The following STRADB variants were observed in gnomAD, a reference collection of about 807,000 sequenced individuals.
STRADB encodes STE20-related kinase adapter protein beta.
A neutral mutation model predicts 52.1 loss-of-function variants in STRADB; 34 were observed. The observed-to-expected ratio is 0.65, with a 90% CI of 0.50 to 0.87. The LOEUF (loss-of-function observed/expected upper bound fraction) is 0.87, where lower values mean the gene tolerates loss of function less well. Ranked by LOEUF, STRADB falls within the 40% of genes least tolerant of loss-of-function variation. The pLI is 0.00. For missense variants in STRADB, 340 were observed against 483.9 expected (o/e 0.70, Z 2.79); for synonymous variants, 133 against 174.5 (o/e 0.76, Z 1.87).
rs1221462406 is a variant in STRADB at position 201,477,052 on chromosome 2, G to GTTTTTT, written c.549-546_549-541dup. 2.1e-4 allele frequency among the ~76,000 whole-genome samples: 12 copies of GTTTTTT among 57,040 alleles called. 2 individuals carry two copies. The highest frequency in any genetic ancestry group is 2.1e-4 in the Non-Finnish European group (7 of 33,640). The allele number at this position is 57,040 out of a possible 152,430, so 37.4% of individuals were successfully genotyped here. On this transcript the variant is annotated intron_variant, in intron 7 of 11. Transcript: ENST00000194530. ...TTTCTTGTTTGAAAAAATATTATCA[G>GTTTTTT]TTTTTTTTTTTTTTTTTTTTTTTTT...
At chr2:201,474,977 G>T (rs188897788) in intron 6 of STRADB, among the ~76,000 whole-genome samples, 2 of 152,302 alleles carry the variant, frequency 1.3e-5, no homozygotes, top group Non-Finnish European at 2.9e-5. Flanking sequence ...GCTTTTCCAA[G>T]AATTCCGTGC....
chr2:201,479,702 A>G (rs1952540098), intron 11 of STRADB, among the ~76,000 whole-genome samples, 171 bp downstream of exon 11: 1 of 152,248 alleles, frequency 6.6e-6, no homozygotes, highest in Non-Finnish European at 1.5e-5. Flanking sequence ...TAGACTTTCT[A>G]AAATACTTTC....
At chr2:201,463,197 C>T (rs936054470) in intron 3 of STRADB, among the ~76,000 whole-genome samples, 6 of 152,010 alleles carry the variant, frequency 3.9e-5, no homozygotes, top group Non-Finnish European at 5.9e-5. Context: ...ATTAGCTGGG[C>T]GTGGTGGCAC....
intron 3 of STRADB, 63 bp from the exon 4 acceptor site, chr2:201,469,890 A>C: frequency 8.1e-7 from 1 of 1,239,656 alleles, no homozygotes; most frequent in Non-Finnish European, 1.2e-6. Context: ...CCAGTGTTTT[A>C]TATTAGGGCA....
chr2:201,464,954 GTGAATAT>G (rs1395094896), intron 3 of STRADB, among the ~76,000 whole-genome samples: 1 of 152,220 alleles, frequency 6.6e-6, no homozygotes, highest in Non-Finnish European at 1.5e-5. Flanking sequence ...TCAGCTTGTG[GTGAATAT>G]TGCCAGGCCT....
At position 201,479,774 on chromosome 2, in the gene STRADB, G is replaced by A. The variant is rs1952541233; in HGVS notation, c.1113+243G>A. 2.0e-5 allele frequency among the ~76,000 whole-genome samples: 3 copies of A among 152,140 alleles called. No individual in the cohort carries two copies. The South Asian group carries it at 6.2e-4, about 32-fold the overall frequency. On this transcript the variant is annotated intron_variant, in intron 11 of 11. Coordinates refer to ENST00000194530, the MANE Select transcript of STRADB (RefSeq NM_018571.6). ...TATCATCACATTACTGATGCTTGGT[G>A]TATATTTTGATTAATTTAGAGACAT...
intron 3 of STRADB, among the ~76,000 whole-genome samples, chr2:201,459,509 C>G (rs1952179767): frequency 6.6e-6 from 1 of 152,194 alleles, no homozygotes; most frequent in South Asian, 2.1e-4. Context: ...CTCACACGGC[C>G]TCTACCTCTG....
intron 1 of STRADB, 76 bp from the exon 2 acceptor site, chr2:201,454,670 T>C: frequency 2.1e-6 from 1 of 480,662 alleles, no homozygotes. Context: ...GCCTAAATAT[T>C]GGATGGGTTT....
At chr2:201,478,671 G>T in intron 10 of STRADB, 70 bp downstream of exon 10, 1 of 1,503,720 alleles carries the variant, frequency 6.7e-7, no homozygotes, top group Non-Finnish European at 9.0e-7. Context: ...TTGTAACATT[G>T]CCCTTCCAGG....
chr2:201,454,224 C>A (rs921742762), intron 1 of STRADB, among the ~76,000 whole-genome samples: 1 of 152,166 alleles, frequency 6.6e-6, no homozygotes, highest in Non-Finnish European at 1.5e-5. Flanking sequence ...TATTCTGATT[C>A]TTTCCCATAT....
chr2:201,475,702 AG>A lies in STRADB; in HGVS notation c.509del (p.Arg170LysfsTer3). 6.2e-7 allele frequency: 1 copy of A among 1,612,438 alleles called. No individual in the cohort carries two copies. Among genetic ancestry groups the A allele is most frequent in the Non-Finnish European group, 8.5e-7 (1 of 1,179,908 alleles). On this transcript the variant is annotated frameshift_variant, in exon 7 of 12. Coordinates refer to ENST00000194530, the MANE Select transcript of STRADB (RefSeq NM_018571.6). LOFTEE classifies it high-confidence loss of function. ...LIRNILFGAV[R>X]GLNYLHQNGC... ...AAGAAACATTCTCTTTGGAGCCGTG[AG>A]AGGGTTGAACTATCTGCACCAAAAT...
At chr2:201,478,061 G>T (rs770266375) in intron 8 of STRADB, 26 bp from the exon 9 acceptor site, 2 of 1,570,858 alleles carry the variant, frequency 1.3e-6, no homozygotes, top group African/African-American at 2.7e-5. Context: ...TGCACTAAAA[G>T]ACTTCAAATT....
At chr2:201,454,140 C>T (rs539896155) in intron 1 of STRADB, among the ~76,000 whole-genome samples, 1 of 152,154 alleles carries the variant, frequency 6.6e-6, no homozygotes, top group African/African-American at 2.4e-5. Context: ...AAGATTGCCA[C>T]CCTTTCTATT....
At chr2:201,468,048 C>G (rs1450047632) in intron 3 of STRADB, among the ~76,000 whole-genome samples, 1 of 121,492 alleles carries the variant, frequency 8.2e-6, no homozygotes, top group Non-Finnish European at 1.7e-5. Flanking sequence ...AGTTTTCTAG[C>G]TGTTCAGGAT....
intron 4 of STRADB, 107 bp from the exon 5 acceptor site, chr2:201,472,848 C>G: frequency 8.7e-7 from 1 of 1,143,982 alleles, no homozygotes; most frequent in Non-Finnish European, 1.2e-6. Context: ...TTTTCATTTT[C>G]TTAACAGTAC....
intron 7 of STRADB, 130 bp downstream of exon 7, chr2:201,475,872 G>A (rs1412131950): frequency 3.1e-6 from 3 of 981,508 alleles, no homozygotes; most frequent in Non-Finnish European, 4.5e-6. Context: ...ATTGAGGGAG[G>A]AAGGGACCAT....
chr2:201,476,409 C>T (rs2125682678), intron 7 of STRADB, among the ~76,000 whole-genome samples: 1 of 148,798 alleles, frequency 6.7e-6, no homozygotes, highest in South Asian at 2.1e-4. Context: ...ATTTCCAACA[C>T]ACTATATTCT....
chr2:201,476,570 G>A (rs1032957909), intron 7 of STRADB, among the ~76,000 whole-genome samples: 4 of 151,828 alleles, frequency 2.6e-5, no homozygotes, highest in East Asian at 1.9e-4. Flanking sequence ...TATAAATGAT[G>A]TATGAGAGAC....
chr2:201,460,537 C>T (rs1952197328), intron 3 of STRADB, among the ~76,000 whole-genome samples: 1 of 151,972 alleles, frequency 6.6e-6, no homozygotes, highest in African/African-American at 2.4e-5. Flanking sequence ...GCCCTGCACC[C>T]CTTCTTGGCC....
Sources: gnomAD v4.1 joint callset for allele counts (sites outside exome capture counted in the v4.1 genomes callset) on GRCh38, gnomAD v4.1.1 for gene constraint, MANE v1.5 for transcripts, NCBI Gene and HGNC (gene_info 2026-07-23, HGNC 2026-07-21) for gene names.